The following B4GALNT3 variants were observed in gnomAD, a reference collection of about 807,000 sequenced individuals.
B4GALNT3 encodes the protein beta-1,4-N-acetyl-galactosaminyltransferase 3.
In B4GALNT3, 86 loss-of-function variants were observed where a neutral mutation model predicts 120.2. The observed-to-expected ratio is 0.72, with a 90% CI of 0.60 to 0.86. The LOEUF (loss-of-function observed/expected upper bound fraction) is 0.86, where lower values mean the gene tolerates loss of function less well. Ranked by LOEUF, B4GALNT3 falls within the 40% of genes least tolerant of loss-of-function variation. The pLI is 0.00. For synonymous variants in B4GALNT3, 518 were observed against 510.4 expected, an observed-to-expected ratio of 1.01 and a Z score of -0.20; for missense variants, 1,167 against 1,298.9, an observed-to-expected ratio of 0.90 and a Z score of 1.56.
chr12:558,660 G>A lies in B4GALNT3; in HGVS notation c.2760G>A (p.Glu920=), dbSNP rs754032987. ...GTGGGGCCACCCCCCAGTGGCCTGA[G>A]GGTGAGCCCTGCTCAGACTGGGGAG... is the stretch of plus-strand genomic sequence containing the variant. The part of the protein sequence containing the change: ...LHCGATPQWP[E]GYWEVNGFGL... Residue 920 remains glutamate (E), a splice_region_variant and synonymous_variant, in exon 18 of 20, where the codon GAG becomes GAA. Coordinates refer to ENST00000266383, the MANE Select transcript of B4GALNT3 (RefSeq NM_173593.4). 1.2e-6 allele frequency: 2 copies of A among 1,613,834 alleles called. No individual in the cohort carries two copies. Among genetic ancestry groups the A allele is most frequent in the Admixed American group, 3.3e-5 (2 of 60,022 alleles).
At chr12:540,872 C>T (rs951173844) in intron 3 of B4GALNT3, among the ~76,000 whole-genome samples, 3 of 151,994 alleles carry the variant, frequency 2.0e-5, no homozygotes, top group Non-Finnish European at 4.4e-5. Flanking sequence ...GCCTCCCGAG[C>T]AGCTGGGACT....
At chr12:487,076 T>C (rs1338977037) in intron 1 of B4GALNT3, among the ~76,000 whole-genome samples, 1 of 152,158 alleles carries the variant, frequency 6.6e-6, no homozygotes, top group Non-Finnish European at 1.5e-5. Context: ...CATTAGTAGA[T>C]GGGACACAGC....
In B4GALNT3 at chr12:550,534, AC is replaced by A. The variant is rs1346191836; in HGVS notation, c.998-384del. On this transcript the variant is annotated intron_variant, in intron 10 of 19. Coordinates refer to ENST00000266383, the MANE Select transcript of B4GALNT3 (RefSeq NM_173593.4). The surrounding 1 kb of genome is among the most constrained non-coding windows in gnomAD (Gnocchi z 4.1). ...AAACAACAAAGTTTCTTTACTCCTCACCCCTCTCAAAAAAATGACAACTGAC... is the reference window on the plus strand; with the variant it reads ...AAACAACAAAGTTTCTTTACTCCTCACCCTCTCAAAAAAATGACAACTGAC... 1.3e-5 allele frequency among the ~76,000 whole-genome samples: 2 copies of A among 151,676 alleles called. No individual in the cohort carries two copies. The highest frequency in any genetic ancestry group is 1.3e-4 in the Admixed American group (2 of 15,184).
chr12:510,876 C>G (rs1453304759), intron 1 of B4GALNT3, among the ~76,000 whole-genome samples: 1 of 152,034 alleles, frequency 6.6e-6, no homozygotes, highest in African/African-American at 2.4e-5. Context: ...GGCTGTGCAA[C>G]CATTGCCACT....
chr12:535,167 G>C lies in B4GALNT3; in HGVS notation c.171G>C (p.Arg57Ser). ...AQVGGNPLNR[R>S]YGSWRELAKA... ...GGCTCCTCTCTTCCCCTTCCACAGGGTACGGCAGCTGGAGAGAACTGGCCA... is the reference window on the plus strand; with the variant it reads ...GGCTCCTCTCTTCCCCTTCCACAGGCTACGGCAGCTGGAGAGAACTGGCCA... Residue 57 changes from arginine to serine, a missense_variant and splice_region_variant, in exon 2 of 20, where the codon AGG (arginine) becomes AGC (serine). Arg to Ser is a moderately radical substitution (Grantham distance 110, BLOSUM62 -1). Transcript: ENST00000266383. 2 of 1,612,432 alleles carry C rather than the reference G, an allele frequency of 1.2e-6. No homozygotes were observed. The highest frequency in any genetic ancestry group is 1.7e-6 in the Non-Finnish European group (2 of 1,178,992).
chr12:556,373 C>G (rs1565612122), intron 14 of B4GALNT3, among the ~76,000 whole-genome samples, 174 bp from the exon 15 acceptor site: 2 of 152,118 alleles, frequency 1.3e-5, no homozygotes, highest in Non-Finnish European at 2.9e-5. Context: ...AAGAGGGAGG[C>G]AGCGAACCCT....
Position 460,146 on chromosome 12 carries a change from G to C in B4GALNT3, c.-231G>C, listed in dbSNP as rs551811054. 0.012 allele frequency among the ~76,000 whole-genome samples: 1,885 copies of C among 150,982 alleles called. 16 individuals carry two copies. The highest frequency in any genetic ancestry group is 0.02 in the Non-Finnish European group (1,375 of 67,446). On this transcript the variant is annotated 5_prime_UTR_variant, in exon 1 of 20. Transcript: ENST00000266383. The surrounding 1 kb of genome is among the most constrained non-coding windows in gnomAD (Gnocchi z 8.0). Reference sequence around the variant, plus strand: ...CGCGGAACACACGCGCGGAGGAGGAGCCGGGCTCGGCTCCCGGAGAGACCT... The same window carrying C: ...CGCGGAACACACGCGCGGAGGAGGACCCGGGCTCGGCTCCCGGAGAGACCT...
intron 1 of B4GALNT3, among the ~76,000 whole-genome samples, chr12:490,996 A>G (rs1946334761): frequency 6.6e-6 from 1 of 151,166 alleles, no homozygotes; most frequent in African/African-American, 2.5e-5. Context: ...TCTAGAAGAT[A>G]GAAGCAGAGG....
chr12:502,680 G>A (rs2120543023), intron 1 of B4GALNT3, among the ~76,000 whole-genome samples: 1 of 152,324 alleles, frequency 6.6e-6, no homozygotes, highest in East Asian at 1.9e-4. Context: ...TTTGCAGAGG[G>A]TAGCGACCCT....
At chr12:513,119 CA>C (rs1946613914) in intron 1 of B4GALNT3, among the ~76,000 whole-genome samples, 2 of 138,032 alleles carry the variant, frequency 1.4e-5, no homozygotes, top group Non-Finnish European at 1.5e-5. Context: ...GCCTTCCTTC[CA>C]CCTTCCGCCT....
chr12:467,423 G>A (rs1946092574), intron 1 of B4GALNT3, among the ~76,000 whole-genome samples: 1 of 152,116 alleles, frequency 6.6e-6, no homozygotes, highest in Non-Finnish European at 1.5e-5. Flanking sequence ...GCTGGGTGTG[G>A]TGGTGTGTGC....
intron 1 of B4GALNT3, among the ~76,000 whole-genome samples, chr12:472,488 G>T (rs372828104): frequency 6.9e-6 from 1 of 143,992 alleles, no homozygotes; most frequent in African/African-American, 2.8e-5. Flanking sequence ...TCGCTCTTTC[G>T]CCCAGGCTGG....
intron 14 of B4GALNT3, among the ~76,000 whole-genome samples, chr12:554,306 A>G (rs1947119224): frequency 6.6e-6 from 1 of 152,250 alleles, no homozygotes. Context: ...ATAGACAAAC[A>G]GGCAAAACAG....
At chr12:512,525 C>T (rs1946596283) in intron 1 of B4GALNT3, among the ~76,000 whole-genome samples, 1 of 141,454 alleles carries the variant, frequency 7.1e-6, no homozygotes, top group Admixed American at 7.0e-5. Flanking sequence ...CACCTTCGAC[C>T]TTCTTCCACC....
intron 6 of B4GALNT3, 92 bp downstream of exon 6, chr12:545,561 G>T: frequency 7.9e-7 from 1 of 1,266,894 alleles, no homozygotes; most frequent in African/African-American, 1.5e-5. Flanking sequence ...TAGCATCTCT[G>T]GTGTGACAGC....
intron 1 of B4GALNT3, among the ~76,000 whole-genome samples, chr12:468,603 C>T (rs971748475): frequency 1.3e-5 from 2 of 152,150 alleles, no homozygotes; most frequent in Non-Finnish European, 2.9e-5. Flanking sequence ...GTCATGTGGG[C>T]ACCCATCCCT....
intron 3 of B4GALNT3, among the ~76,000 whole-genome samples, chr12:543,762 C>T (rs112277573): frequency 9.6e-5 from 10 of 104,690 alleles, no homozygotes; most frequent in South Asian, 3.5e-4. Flanking sequence ...GGTGCTCATC[C>T]TCCCAGAGCT....
At chr12:474,636 T>G (rs1006165438) in intron 1 of B4GALNT3, among the ~76,000 whole-genome samples, 27 of 150,988 alleles carry the variant, frequency 1.8e-4, no homozygotes, top group Non-Finnish European at 3.0e-5. Context: ...ATGGGCAACA[T>G]AGCGAGACCC....
intron 1 of B4GALNT3, among the ~76,000 whole-genome samples, chr12:512,192 C>CGCCTTCT (rs1946583757): frequency 2.5e-5 from 2 of 79,326 alleles, no homozygotes; most frequent in South Asian, 5.1e-4. Context: ...TTCCACCTTC[C>CGCCTTCT]GCCTTCCACC....
Sources: gnomAD v4.1 joint callset for allele counts (sites outside exome capture counted in the v4.1 genomes callset) on GRCh38, gnomAD v4.1.1 for gene constraint, Gnocchi (gnomAD v3.1) non-coding constraint, MANE v1.5 for transcripts, NCBI Gene and HGNC (gene_info 2026-07-23, HGNC 2026-07-21) for gene names.